Variants in SPINK5 observed in about 807,000 individuals in gnomAD.
SPINK5 encodes serine protease inhibitor Kazal-type 5.
A neutral mutation model predicts 151.8 loss-of-function variants in SPINK5; 125 were observed. That is an observed-to-expected ratio of 0.82 (90% CI 0.71 to 0.96). The LOEUF is 0.96. SPINK5 is among the 40% of genes least tolerant of loss of function. SPINK5 has a pLI of 0.00. For missense variants in SPINK5, 1,194 were observed against 1,291.9 expected (o/e 0.92, Z 1.16); for synonymous variants, 374 against 395.3 (o/e 0.95, Z 0.64).
At chr5:148,135,752 T>G (rs1255420984) in intron 32 of SPINK5, among the ~76,000 whole-genome samples, 1 of 152,068 alleles carries the variant, frequency 6.6e-6, no homozygotes, top group Non-Finnish European at 1.5e-5. Flanking sequence ...GAACTTTATT[T>G]CTGGGTGGAA....
chr5:148,126,078 A>G (rs1221024890), intron 29 of SPINK5, among the ~76,000 whole-genome samples: 1 of 152,238 alleles, frequency 6.6e-6, no homozygotes, highest in Non-Finnish European at 1.5e-5. Flanking sequence ...TAGCTGTGTC[A>G]TTAAACAATT....
chr5:148,105,765 T>C (rs1037709821), intron 16 of SPINK5, among the ~76,000 whole-genome samples: 7 of 150,004 alleles, frequency 4.7e-5, no homozygotes, highest in African/African-American at 1.7e-4. Flanking sequence ...TACAGGCACG[T>C]GCCACAATGC....
chr5:148,117,501 C>T (rs1483701084), intron 22 of SPINK5, among the ~76,000 whole-genome samples: 2 of 152,110 alleles, frequency 1.3e-5, no homozygotes, highest in Non-Finnish European at 2.9e-5. Flanking sequence ...TTTTACTCTG[C>T]CATTGTTGTG....
chr5:148,086,324 C>T, intron 4 of SPINK5, 81 bp from the exon 5 acceptor site: 1 of 1,550,970 alleles, frequency 6.4e-7, no homozygotes. Flanking sequence ...TTATTGTGGG[C>T]TTAAAATGTT....
rs781666001 is a variant in SPINK5, at chr5:148,094,362, C to T, written c.675C>T (p.Cys225=). 6.8e-6 allele frequency: 11 copies of T among 1,612,194 alleles called. No homozygotes were observed. Among genetic ancestry groups the T allele is most frequent in the South Asian group, 4.4e-5 (4 of 91,058 alleles). Residue 225 remains cysteine (C), a synonymous_variant, in exon 9 of 33, where the codon TGC becomes TGT. Transcript: ENST00000256084. ...TAATTGTCTTTTCAAAGGATTTTTG[C>T]AAGGAATATGAAAAACAAGTGAGAA... ...RIRRNAEKDF[C]KEYEKQVRNG... is the part of the protein sequence containing the mutation.
intron 13 of SPINK5, 94 bp downstream of exon 13, chr5:148,100,675 A>C: frequency 7.1e-7 from 1 of 1,418,396 alleles, no homozygotes; most frequent in Non-Finnish European, 9.8e-7. Flanking sequence ...TTCAACATAA[A>C]AATGAAAGAA....
intron 8 of SPINK5, among the ~76,000 whole-genome samples, chr5:148,092,019 C>T (rs568088041): frequency 6.6e-6 from 1 of 151,808 alleles, no homozygotes; most frequent in Non-Finnish European, 1.5e-5. Flanking sequence ...TTGCCATGCT[C>T]TGGGTGTGGG....
chr5:148,089,298 T>C (rs1753244042), intron 6 of SPINK5, 196 bp from the exon 7 acceptor site: 4 of 706,690 alleles, frequency 5.7e-6, no homozygotes, highest in African/African-American at 5.3e-5. Flanking sequence ...ACTAAATAAA[T>C]GAATAAACAA....
chr5:148,126,883 T>C lies in SPINK5; in HGVS notation c.2868-100T>C. 2.9e-6 allele frequency: 3 copies of C among 1,023,902 alleles called. No homozygotes were observed. The South Asian group carries it at 4.4e-5, about 15-fold the overall frequency. 63.4% of individuals were successfully genotyped at this position (1,023,902 alleles called of 1,614,324 possible). On this transcript the variant is annotated intron_variant, in intron 29 of 32. Coordinates refer to ENST00000256084, the MANE Select transcript of SPINK5 (RefSeq NM_006846.4). ...CTGGGGTTACAGGCGTGAACTACCA[T>C]GCCTGGCCTCTGTCACATTTTATGA...
Position 148,100,507 on chromosome 5 carries a change from C to T in SPINK5, c.1146C>T (p.Thr382=), listed in dbSNP as rs1441307338. Residue 382 remains threonine, a synonymous_variant, in exon 13 of 33, where the codon ACC becomes ACT. Coordinates refer to ENST00000256084, the MANE Select transcript of SPINK5 (RefSeq NM_006846.4). ...TGAGGAACGGAAAACTTGCTTGCAC[C>T]AGAGAGAACGATCCTATCCAGGGCC... The part of the protein sequence containing the change: ...KLVRNGKLAC[T]RENDPIQGPD... 1.9e-6 allele frequency: 3 copies of T among 1,613,178 alleles called. No individual in the cohort carries two copies. The South Asian group carries it at 3.3e-5, about 18-fold the overall frequency.
Position 148,137,309 on chromosome 5 carries a change from C to T in SPINK5, c.*318C>T. 3 of 453,086 alleles carry T rather than the reference C, an allele frequency of 6.6e-6. No individual in the cohort carries two copies. The highest frequency in any genetic ancestry group is 1.2e-5 in the Non-Finnish European group (3 of 251,132). The allele number at this position is 453,086 out of a possible 1,614,324, so 28.1% of individuals were successfully genotyped here. ...CACCCTTTCTGGGATTTCTTTGTCACTATCTGGATAATAGATATTTGCTTT... is the reference window on the plus strand; with the variant it reads ...CACCCTTTCTGGGATTTCTTTGTCATTATCTGGATAATAGATATTTGCTTT... On this transcript the variant is annotated 3_prime_UTR_variant, in exon 33 of 33. Transcript: ENST00000256084.
chr5:148,134,956 T>G (rs562213176), intron 32 of SPINK5, among the ~76,000 whole-genome samples: 1 of 151,970 alleles, frequency 6.6e-6, no homozygotes, highest in South Asian at 2.1e-4. Flanking sequence ...CCAACAATCT[T>G]TGTTAAGGGA....
chr5:148,102,755 T>C (rs1216820738), intron 15 of SPINK5, among the ~76,000 whole-genome samples: 2 of 152,118 alleles, frequency 1.3e-5, no homozygotes, highest in Non-Finnish European at 2.9e-5. Flanking sequence ...TCCTACTTAT[T>C]CTATGTGATT....
At chr5:148,128,997 T>TGGGGA (rs1180778858) in intron 30 of SPINK5, among the ~76,000 whole-genome samples, 1 of 151,880 alleles carries the variant, frequency 6.6e-6, no homozygotes, top group African/African-American at 2.4e-5. Flanking sequence ...AATTCTGAGA[T>TGGGGA]GGGGAGGGGA....
intron 26 of SPINK5, among the ~76,000 whole-genome samples, chr5:148,121,605 T>G (rs1478939133): frequency 6.6e-6 from 1 of 151,468 alleles, no homozygotes; most frequent in African/African-American, 2.4e-5. Flanking sequence ...TAAAAAATTT[T>G]GAACAGAAAA....
chr5:148,118,834 A>ATCGAT (rs1754172624), intron 23 of SPINK5, 152 bp from the exon 24 acceptor site: 1 of 867,176 alleles, frequency 1.2e-6, no homozygotes, highest in Admixed American at 2.1e-5. Flanking sequence ...TTGTGCCAGA[A>ATCGAT]TCCTAGGAAG....
chr5:148,095,947 TGTG>T (rs1474839442), intron 10 of SPINK5, 42 bp downstream of exon 10: 4 of 1,469,506 alleles, frequency 2.7e-6, no homozygotes, highest in Non-Finnish European at 3.8e-6. Flanking sequence ...CTTGTGTGTG[TGTG>T]GGGGGGTGCG....
At position 148,105,615 on chromosome 5, in the gene SPINK5, C is replaced by G. The variant is rs186081515; in HGVS notation, c.1479+615C>G. ...CTACATACAAGATTTATCTTTCTTTCTTTTTTTCTGTTTTTTTTGAGATGG... is the reference window on the plus strand; with the variant it reads ...CTACATACAAGATTTATCTTTCTTTGTTTTTTTCTGTTTTTTTTGAGATGG... On this transcript the variant is annotated intron_variant, in intron 16 of 32. Coordinates refer to ENST00000256084, the MANE Select transcript of SPINK5 (RefSeq NM_006846.4). Among the ~76,000 whole-genome samples, 225 of 149,684 alleles carry G rather than the reference C, an allele frequency of 1.5e-3. 2 individuals carry two copies. Among genetic ancestry groups the G allele is most frequent in the African/African-American group, 5.4e-3 (214 of 39,956 alleles).
At chr5:148,093,650 CT>C (rs1304283706) in intron 8 of SPINK5, among the ~76,000 whole-genome samples, 2 of 150,686 alleles carry the variant, frequency 1.3e-5, no homozygotes, top group Non-Finnish European at 1.5e-5. Flanking sequence ...CTTCTCACAA[CT>C]TTTTTTTCTT....
Sources: gnomAD v4.1 joint callset for allele counts (sites outside exome capture counted in the v4.1 genomes callset) on GRCh38, gnomAD v4.1.1 for gene constraint, MANE v1.5 for transcripts, NCBI Gene and HGNC (gene_info 2026-07-23, HGNC 2026-07-21) for gene names.